LPAR1: variants seen among roughly 807,000 people sequenced by gnomAD.
LPAR1 encodes the protein LPA receptor 1.
In LPAR1, 5 loss-of-function variants were observed where a neutral mutation model predicts 23.8. The observed-to-expected ratio is 0.21, with a 90% confidence interval of 0.11 to 0.44. The LOEUF (loss-of-function observed/expected upper bound fraction) is 0.44. LPAR1 is among the 20% of genes least tolerant of loss of function. The pLI, the probability that LPAR1 is intolerant of heterozygous loss-of-function variation, is 0.99. For missense variants in LPAR1, 311 were observed against 482.8 expected, an observed-to-expected ratio of 0.64 and a Z score of 3.33; for synonymous variants, 160 against 164.7, an observed-to-expected ratio of 0.97 and a Z score of 0.22.
At chr9:110,948,981 C>G (rs573908567) in intron 4 of LPAR1, among the ~76,000 whole-genome samples, 1 of 151,808 alleles carries the variant, frequency 6.6e-6, no homozygotes, top group Non-Finnish European at 1.5e-5. Flanking sequence ...AGCTCAGGCT[C>G]CAGATTGGAA....
rs1042812472 is a variant in LPAR1 at position 110,874,270 on chromosome 9, A to G, written c.*1151T>C. On this transcript the variant is annotated 3_prime_UTR_variant, in exon 6 of 6. Transcript: ENST00000683809. Reference sequence around the variant, plus strand: ...TGGTTAAATAAACTGAGTTGCATCCATTAAATGGAATATAATATAGCCATT... The same window carrying G: ...TGGTTAAATAAACTGAGTTGCATCCGTTAAATGGAATATAATATAGCCATT... 2 of 152,588 alleles carry G rather than the reference A, an allele frequency of 1.3e-5. No homozygotes were observed. The highest frequency in any genetic ancestry group is 2.4e-5 in the African/African-American group (1 of 41,454). The allele number at this position is 152,588 out of a possible 1,614,324, so 9.5% of individuals were successfully genotyped here. A position where few individuals can be genotyped will look rare whatever the true frequency, so the allele number is the denominator to read the frequency against.
intron 5 of LPAR1, among the ~76,000 whole-genome samples, chr9:110,895,961 G>A (rs1265448602): frequency 6.6e-6 from 1 of 152,252 alleles, no homozygotes; most frequent in Non-Finnish European, 1.5e-5. Context: ...CATCCATTTC[G>A]TATTCATTTC....
intron 2 of LPAR1, among the ~76,000 whole-genome samples, chr9:110,998,821 C>G (rs2097072492): frequency 6.6e-6 from 1 of 152,154 alleles, no homozygotes; most frequent in South Asian, 2.1e-4. Flanking sequence ...AGCATAAGAT[C>G]ACACCATAGC....
At chr9:110,954,830 A>C (rs927295177) in intron 4 of LPAR1, among the ~76,000 whole-genome samples, 1 of 152,226 alleles carries the variant, frequency 6.6e-6, no homozygotes. Context: ...TTACCACTAG[A>C]CCATACCTAC....
intron 5 of LPAR1, among the ~76,000 whole-genome samples, chr9:110,895,905 C>A (rs1241976767): frequency 6.6e-6 from 1 of 152,174 alleles, no homozygotes; most frequent in African/African-American, 2.4e-5. Context: ...GGAAAGACAG[C>A]CTTTGGGACA....
At chr9:111,015,015 C>CTT (rs1244314262) in intron 2 of LPAR1, among the ~76,000 whole-genome samples, 1 of 151,936 alleles carries the variant, frequency 6.6e-6, no homozygotes, top group African/African-American at 2.4e-5. Context: ...GACTAGGGTC[C>CTT]TTATAAGAGG....
At chr9:110,955,965 T>A (rs1262967179) in intron 4 of LPAR1, among the ~76,000 whole-genome samples, 1 of 150,968 alleles carries the variant, frequency 6.6e-6, no homozygotes, top group Non-Finnish European at 1.5e-5. Context: ...AGATTTCCAA[T>A]AAACAACCCA....
At chr9:110,962,769 G>A (rs2096052634) in intron 4 of LPAR1, among the ~76,000 whole-genome samples, 1 of 152,104 alleles carries the variant, frequency 6.6e-6, no homozygotes, top group Non-Finnish European at 1.5e-5. Context: ...TAACTTAAGG[G>A]CAGCTCTTAA....
At chr9:110,936,663 TC>T (rs1340810807) in intron 5 of LPAR1, among the ~76,000 whole-genome samples, 2 of 152,182 alleles carry the variant, frequency 1.3e-5, no homozygotes, top group Non-Finnish European at 1.5e-5. Context: ...GGTGATCGTT[TC>T]CAACCAGAAC....
chr9:110,880,214 C>CA (rs1248999942), intron 5 of LPAR1, among the ~76,000 whole-genome samples: 1 of 152,090 alleles, frequency 6.6e-6, no homozygotes, highest in Non-Finnish European at 1.5e-5. Flanking sequence ...ATGCATCTGT[C>CA]AAAGCAATCT....
chr9:110,914,698 C>T lies in LPAR1; in HGVS notation c.793+26723G>A, dbSNP rs1027503006. Among the ~76,000 whole-genome samples, 3 of 152,304 alleles carry T rather than the reference C, an allele frequency of 2.0e-5. No individual in the cohort carries two copies. In the South Asian group the frequency reaches 6.2e-4, roughly 32 times the overall value. On this transcript the variant is annotated intron_variant, in intron 5 of 5. Coordinates refer to ENST00000683809, the MANE Select transcript of LPAR1 (RefSeq NM_001351411.2). ...TATCGAGGAAGGCAGAATGCTGATA[C>T]TGACATGGAAGATGCCTAGTACAGT...
At chr9:111,027,178 G>A (rs2097707208) in intron 2 of LPAR1, among the ~76,000 whole-genome samples, 1 of 152,026 alleles carries the variant, frequency 6.6e-6, no homozygotes, top group Non-Finnish European at 1.5e-5. Context: ...TGGTTGGTAG[G>A]CTATTAATTA....
chr9:111,038,640 T>A (rs2097946117), upstream of LPAR1: 1 of 455,162 alleles, frequency 2.2e-6, no homozygotes, highest in Non-Finnish European at 4.4e-6. This position sits in a 1 kb window ranked among gnomAD's most constrained non-coding sequence, Gnocchi z 4.4. Flanking sequence ...GCTCCCAAGC[T>A]GGACCCCTTA....
intron 2 of LPAR1, among the ~76,000 whole-genome samples, chr9:110,981,418 T>A (rs191400709): frequency 2.0e-4 from 31 of 152,178 alleles, no homozygotes; most frequent in African/African-American, 7.2e-4. Context: ...CATATGACTA[T>A]AAGAATTGAA....
intron 2 of LPAR1, among the ~76,000 whole-genome samples, chr9:111,013,016 CT>C (rs11302462): frequency 0.17 from 26,025 of 152,000 alleles, 2,890 homozygotes; most frequent in African/African-American, 0.31. Flanking sequence ...ATGTTCTCCC[CT>C]AAATAAGCAA....
intron 4 of LPAR1, among the ~76,000 whole-genome samples, chr9:110,951,789 T>TG (rs2095577586): frequency 1.3e-5 from 2 of 152,092 alleles, no homozygotes; most frequent in African/African-American, 4.8e-5. Flanking sequence ...ATCACACATG[T>TG]GCCTAACGAG....
At chr9:110,913,370 A>G (rs1305445371) in intron 5 of LPAR1, among the ~76,000 whole-genome samples, 1 of 152,220 alleles carries the variant, frequency 6.6e-6, no homozygotes, top group East Asian at 1.9e-4. Context: ...ACTACAAGTC[A>G]GCCAAATCAG....
chr9:110,926,257 G>A (rs117585558), intron 5 of LPAR1, among the ~76,000 whole-genome samples: 7 of 152,152 alleles, frequency 4.6e-5, no homozygotes, highest in African/African-American at 9.7e-5. Flanking sequence ...ATGTGAGTCC[G>A]ACTCCCAAGC....
chr9:110,921,762 T>A (rs2093644096), intron 5 of LPAR1, among the ~76,000 whole-genome samples: 1 of 152,218 alleles, frequency 6.6e-6, no homozygotes, highest in Non-Finnish European at 1.5e-5. Flanking sequence ...GGAGACCTGA[T>A]GTGGAGGACA....
Sources: gnomAD v4.1 joint callset for allele counts (sites outside exome capture counted in the v4.1 genomes callset) on GRCh38, gnomAD v4.1.1 for gene constraint, Gnocchi (gnomAD v3.1) non-coding constraint, MANE v1.5 for transcripts, NCBI Gene and HGNC (gene_info 2026-07-23, HGNC 2026-07-21) for gene names.